Variants in HIF1AN observed in about 807,000 individuals in gnomAD.
HIF1AN encodes the protein hypoxia-inducible factor 1-alpha inhibitor.
A neutral mutation model predicts 47.7 loss-of-function variants in HIF1AN; 21 were observed. That is an observed-to-expected ratio of 0.44 (90% CI 0.31 to 0.63). HIF1AN has a LOEUF of 0.63. Ranked by LOEUF, HIF1AN falls within the 30% of genes least tolerant of loss-of-function variation. The probability of loss-of-function intolerance (pLI) is 0.07; values close to 1 mark genes in which losing one functional copy is unlikely to be tolerated. For missense variants in HIF1AN, 320 were observed against 432.7 expected (o/e 0.74, Z 2.31); for synonymous variants, 152 against 155.9 (o/e 0.98, Z 0.18).
chr10:100,536,377 C>T (rs1467405200), intron 1 of HIF1AN, 34 bp from the exon 2 acceptor site: 1 of 1,608,066 alleles, frequency 6.2e-7, no homozygotes, highest in Admixed American at 1.7e-5. Flanking sequence ...GGCATTACTT[C>T]ATTTGGTGTT....
intron 3 of HIF1AN, among the ~76,000 whole-genome samples, chr10:100,541,148 G>A (rs1843024061): frequency 6.6e-6 from 1 of 152,160 alleles, no homozygotes; most frequent in South Asian, 2.1e-4. Flanking sequence ...GAACCCAGGC[G>A]GTGGAGGTTG....
intron 2 of HIF1AN, among the ~76,000 whole-genome samples, chr10:100,540,302 T>C (rs757305392): frequency 7.2e-5 from 11 of 152,180 alleles, no homozygotes; most frequent in Admixed American, 2.6e-4. Flanking sequence ...GTCTCACACC[T>C]GTAATCCCAG....
intron 2 of HIF1AN, 71 bp downstream of exon 2, chr10:100,536,732 G>T: frequency 1.3e-6 from 2 of 1,560,090 alleles, no homozygotes; most frequent in Non-Finnish European, 1.7e-6. Flanking sequence ...TTGTTTGAAG[G>T]TGTGGCAGAA....
Position 100,559,026 on chromosome 10 carries a change from A to C in HIF1AN, c.*10889A>C, listed in dbSNP as rs1045837142. 6.6e-6 allele frequency: 1 copy of C among 152,136 alleles called. No homozygotes were observed. The highest frequency in any genetic ancestry group is 2.4e-5 in the African/African-American group (1 of 41,446). 9.4% of individuals were successfully genotyped at this position (152,136 alleles called of 1,614,324 possible). A position where few individuals can be genotyped will look rare whatever the true frequency, so the allele number is the denominator to read the frequency against. ...AAGTGTGTATTTATACTCGAATTTT[A>C]AGTTGAAATTTTGCTAAGTTTCTTT... is the stretch of plus-strand genomic sequence containing the variant. On this transcript the variant is annotated 3_prime_UTR_variant, in exon 8 of 8. Coordinates refer to ENST00000299163, the MANE Select transcript of HIF1AN (RefSeq NM_017902.3).
In HIF1AN at chr10:100,535,947, CTGGCGGCGGAGA is replaced by C. The variant is rs753212884; in HGVS notation, c.-3_9del. ...CTTCCGGTTCCGGTGGGGGCCGTCC[CTGGCGGCGGAGA>C]TGGCGGCGACAGCGGCGGAGGCTGT... On this transcript the variant is annotated start_lost and 5_prime_UTR_variant, in exon 1 of 8. Coordinates refer to ENST00000299163, the MANE Select transcript of HIF1AN (RefSeq NM_017902.3). The C allele has an allele frequency of 1.3e-6, 2 of 1,546,486 alleles. No individual in the cohort carries two copies. The highest frequency in any genetic ancestry group is 1.7e-6 in the Non-Finnish European group (2 of 1,146,416).
chr10:100,542,556 C>T (rs767975892), intron 3 of HIF1AN, among the ~76,000 whole-genome samples: 14 of 152,032 alleles, frequency 9.2e-5, no homozygotes, highest in Non-Finnish European at 1.5e-4. Flanking sequence ...GGGGTTTCAC[C>T]GTGTTAGCCA....
chr10:100,546,433 C>T, intron 5 of HIF1AN, 85 bp from the exon 6 acceptor site: 1 of 904,124 alleles, frequency 1.1e-6, no homozygotes, highest in Non-Finnish European at 1.8e-6. Flanking sequence ...TTTTTCAGCC[C>T]AACCCTGCCA....
At chr10:100,541,089 C>T (rs1045502723) in intron 3 of HIF1AN, among the ~76,000 whole-genome samples, 17 of 152,040 alleles carry the variant, frequency 1.1e-4, no homozygotes, top group African/African-American at 3.4e-4. Flanking sequence ...CATGGTGGTG[C>T]GTGCCTGTAG....
At position 100,557,085 on chromosome 10, in the gene HIF1AN, C is replaced by T. The variant is rs965393633; in HGVS notation, c.*8948C>T. ...AGTCCATGAAGTGCTGGGCTGGGGA[C>T]AGAAAGGGTTTAATAGGGCAGGGTC... On this transcript the variant is annotated 3_prime_UTR_variant, in exon 8 of 8. Transcript: ENST00000299163. 7.2e-5 allele frequency: 11 copies of T among 152,118 alleles called. No homozygotes were observed. Among genetic ancestry groups the T allele is most frequent in the Non-Finnish European group, 1.5e-5 (1 of 68,048 alleles). The allele number at this position is 152,118 out of a possible 1,614,324, so 9.4% of individuals were successfully genotyped here.
intron 6 of HIF1AN, 35 bp from the exon 7 acceptor site, chr10:100,547,105 T>G: frequency 6.8e-7 from 1 of 1,481,458 alleles, no homozygotes; most frequent in African/African-American, 1.4e-5. Flanking sequence ...CGCCTGCTGC[T>G]AAAGGCATTT....
rs756893201 is a variant in HIF1AN, at chr10:100,549,520, G to A, written c.*1383G>A. The A allele has an allele frequency of 1.3e-5, 2 of 152,232 alleles. No individual in the cohort carries two copies. Among genetic ancestry groups the A allele is most frequent in the Non-Finnish European group, 2.9e-5 (2 of 68,062 alleles). 9.4% of individuals were successfully genotyped at this position (152,232 alleles called of 1,614,324 possible). A position where few individuals can be genotyped will look rare whatever the true frequency, so the allele number is the denominator to read the frequency against. On this transcript the variant is annotated 3_prime_UTR_variant, in exon 8 of 8. Transcript: ENST00000299163. ...GGGCAACTGGTGGAGCATGGAAGTC[G>A]AATTTCCTTTTCTGTTAGGAGCTAC...
chr10:100,548,010 A>G (rs1474534857), intron 7 of HIF1AN, 83 bp from the exon 8 acceptor site: 5 of 1,267,852 alleles, frequency 3.9e-6, no homozygotes, highest in South Asian at 1.2e-5. Flanking sequence ...TTGGCTGGAC[A>G]TCTGATGTCT....
At chr10:100,545,694 G>C (rs1163876670) in intron 4 of HIF1AN, among the ~76,000 whole-genome samples, 1 of 152,198 alleles carries the variant, frequency 6.6e-6, no homozygotes, top group East Asian at 1.9e-4. Context: ...TAGGTCGTCT[G>C]ACCTCAGGAG....
At chr10:100,545,211 T>C (rs1321815694) in intron 4 of HIF1AN, 115 bp downstream of exon 4, 5 of 1,123,896 alleles carry the variant, frequency 4.4e-6, no homozygotes. Context: ...CAGGCTGTTC[T>C]TGCCTTAACA....
intron 3 of HIF1AN, among the ~76,000 whole-genome samples, chr10:100,542,850 T>TTTTG (rs1428153632): frequency 4.4e-5 from 4 of 90,824 alleles, no homozygotes; most frequent in African/African-American, 1.2e-4. Flanking sequence ...GAATGTGTTT[T>TTTTG]TTTTTTTTTT....
chr10:100,546,445 C>T (rs1843094389), intron 5 of HIF1AN, 73 bp from the exon 6 acceptor site: 2 of 811,642 alleles, frequency 2.5e-6, no homozygotes, highest in Admixed American at 4.5e-5. Flanking sequence ...ACCCTGCCAC[C>T]CCCCCGCACT....
At position 100,558,268 on chromosome 10, in the gene HIF1AN, T is replaced by C. The variant is rs1843230154; in HGVS notation, c.*10131T>C. 6.6e-6 allele frequency: 1 copy of C among 152,194 alleles called. No homozygotes were observed. Among genetic ancestry groups the C allele is most frequent in the Non-Finnish European group, 1.5e-5 (1 of 68,056 alleles). The allele number at this position is 152,194 out of a possible 1,614,324, so 9.4% of individuals were successfully genotyped here. A position where few individuals can be genotyped will look rare whatever the true frequency, so the allele number is the denominator to read the frequency against. On this transcript the variant is annotated 3_prime_UTR_variant, in exon 8 of 8. Transcript: ENST00000299163. ...AGGAATTGTGACCAGAAGTCAAAGT[T>C]GTTACAGCAATCCTGCATTCAACCA...
chr10:100,539,552 T>C (rs1359641158), intron 2 of HIF1AN, among the ~76,000 whole-genome samples: 5 of 152,236 alleles, frequency 3.3e-5, no homozygotes, highest in Admixed American at 3.3e-4. Flanking sequence ...ATGTTGATCA[T>C]GGGTAATGTC....
chr10:100,543,323 A>G (rs147906186), intron 3 of HIF1AN, among the ~76,000 whole-genome samples: 3,205 of 152,106 alleles, frequency 0.021, 53 homozygotes, highest in South Asian at 0.044. Context: ...CCAAGTAGCT[A>G]GGACTACAGG....
Sources: allele counts gnomAD v4.1 joint callset (sites outside exome capture counted in the v4.1 genomes callset), GRCh38; gene constraint gnomAD v4.1.1; transcripts MANE v1.5; gene names NCBI Gene and HGNC (gene_info 2026-07-23, HGNC 2026-07-21).